MACROD2: variants seen among roughly 807,000 people sequenced by gnomAD.
The protein encoded by MACROD2 is ADP-ribose glycohydrolase MACROD2.
MACROD2 carries 36 observed loss-of-function variants against 70.4 expected under a neutral mutation model. The observed-to-expected ratio is 0.51, with a 90% CI of 0.39 to 0.68. MACROD2 has a LOEUF of 0.68. MACROD2 is among the 30% of genes least tolerant of loss of function. MACROD2 has a pLI of 0.00. For synonymous variants in MACROD2, 172 were observed against 178.8 expected (o/e 0.96, Z 0.30); for missense variants, 496 against 538.4 (o/e 0.92, Z 0.78).
At chr20:14,037,153 G>A (rs1236630713) in intron 2 of MACROD2, among the ~76,000 whole-genome samples, 1 of 152,196 alleles carries the variant, frequency 6.6e-6, no homozygotes, top group East Asian at 1.9e-4. Context: ...TTGAAAGGTA[G>A]CCTTGAGATG....
chr20:15,956,861 G>A (rs148277655), intron 12 of MACROD2, among the ~76,000 whole-genome samples: 45 of 152,212 alleles, frequency 3.0e-4, no homozygotes, highest in Middle Eastern at 6.8e-3. Context: ...ATAGGAGAGC[G>A]GTGAATGTTT....
At chr20:14,883,042 G>A (rs1456415625) in intron 5 of MACROD2, among the ~76,000 whole-genome samples, 1 of 152,142 alleles carries the variant, frequency 6.6e-6, no homozygotes, top group Non-Finnish European at 1.5e-5. Context: ...TCTTGGTCAT[G>A]AGTAATGATG....
intron 5 of MACROD2, among the ~76,000 whole-genome samples, chr20:14,921,456 G>A (rs2074162534): frequency 6.6e-6 from 1 of 152,052 alleles, no homozygotes; most frequent in Admixed American, 6.5e-5. Context: ...AGAGAGTTTT[G>A]GATACATTTG....
chr20:14,946,335 T>G lies in MACROD2; in HGVS notation c.418+261376T>G, dbSNP rs962674567. Reference sequence around the variant, plus strand: ...TTTTGTTGATCACTATCTATCTAGTTCTATCACATATCTGTATCTAAATAC... The same window carrying G: ...TTTTGTTGATCACTATCTATCTAGTGCTATCACATATCTGTATCTAAATAC... On this transcript the variant is annotated intron_variant, in intron 5 of 17. Coordinates refer to ENST00000684519, the MANE Select transcript of MACROD2 (RefSeq NM_001351661.2). 4.6e-5 allele frequency among the ~76,000 whole-genome samples: 7 copies of G among 152,362 alleles called. No homozygotes were observed. The East Asian group carries it at 1.3e-3, about 29-fold the overall frequency.
chr20:14,600,610 T>C (rs1204070644), intron 4 of MACROD2, among the ~76,000 whole-genome samples: 1 of 152,142 alleles, frequency 6.6e-6, no homozygotes, highest in Non-Finnish European at 1.5e-5. Context: ...ATTATTTTCA[T>C]TTTACAGGTG....
intron 3 of MACROD2, chr20:14,337,345 G>T: frequency 6.4e-6 from 2 of 314,442 alleles, no homozygotes; most frequent in Non-Finnish European, 1.1e-5. Context: ...TCTTTCTAGA[G>T]AGTAAAACCA....
chr20:15,488,095 C>A (rs1467386274), intron 7 of MACROD2, among the ~76,000 whole-genome samples: 1 of 152,070 alleles, frequency 6.6e-6, no homozygotes, highest in Non-Finnish European at 1.5e-5. Context: ...TCTAGGGATC[C>A]TAGGACACAG....
chr20:15,284,059 T>G (rs1484875964), intron 6 of MACROD2, among the ~76,000 whole-genome samples: 1 of 152,198 alleles, frequency 6.6e-6, no homozygotes, highest in African/African-American at 2.4e-5. Context: ...AATACAACAC[T>G]GAAAATTTAA....
At chr20:15,473,500 C>A (rs1170286256) in intron 7 of MACROD2, among the ~76,000 whole-genome samples, 1 of 152,142 alleles carries the variant, frequency 6.6e-6, no homozygotes, top group Non-Finnish European at 1.5e-5. Flanking sequence ...CAGGGAGTAA[C>A]TTTTGCCTGA....
intron 9 of MACROD2, among the ~76,000 whole-genome samples, chr20:15,867,674 T>C (rs2064512850): frequency 6.6e-6 from 1 of 152,172 alleles, no homozygotes; most frequent in East Asian, 1.9e-4. Flanking sequence ...CAATTCCCGA[T>C]CTGGAATGTG....
At chr20:15,473,837 T>C (rs1327653379) in intron 7 of MACROD2, among the ~76,000 whole-genome samples, 1 of 152,222 alleles carries the variant, frequency 6.6e-6, no homozygotes, top group Admixed American at 6.5e-5. Flanking sequence ...CAGATTTGCA[T>C]GTTTTTCAAT....
At chr20:14,806,123 G>A (rs533717711) in intron 5 of MACROD2, among the ~76,000 whole-genome samples, 4 of 152,224 alleles carry the variant, frequency 2.6e-5, no homozygotes, top group Non-Finnish European at 5.9e-5. Flanking sequence ...CATCTGGTAC[G>A]TCTTTGGATA....
chr20:15,118,678 A>G (rs2076009584), intron 5 of MACROD2, among the ~76,000 whole-genome samples: 1 of 152,156 alleles, frequency 6.6e-6, no homozygotes, highest in Non-Finnish European at 1.5e-5. Context: ...TCAGACATTC[A>G]CTGTATGAAG....
At chr20:15,512,594 T>G (rs745385474) in intron 8 of MACROD2, among the ~76,000 whole-genome samples, 1 of 152,202 alleles carries the variant, frequency 6.6e-6, no homozygotes, top group Non-Finnish European at 1.5e-5. Flanking sequence ...TGAAGCAAAT[T>G]AATTCTCCCT....
intron 3 of MACROD2, among the ~76,000 whole-genome samples, chr20:14,164,701 G>A (rs558907905): frequency 6.6e-6 from 1 of 151,996 alleles, no homozygotes; most frequent in Non-Finnish European, 1.5e-5. Flanking sequence ...AGGAGTACCC[G>A]GGTGCCAGTG....
intron 5 of MACROD2, among the ~76,000 whole-genome samples, chr20:14,889,019 A>G (rs893450546): frequency 1.3e-5 from 2 of 152,156 alleles, no homozygotes; most frequent in African/African-American, 4.8e-5. Flanking sequence ...TCACTGCTGC[A>G]TGTGTTTGCA....
chr20:14,043,591 A>G (rs2053425146), intron 2 of MACROD2, among the ~76,000 whole-genome samples: 1 of 152,234 alleles, frequency 6.6e-6, no homozygotes, highest in African/African-American at 2.4e-5. Context: ...TAATACTTAT[A>G]GACTGAGTGG....
intron 3 of MACROD2, among the ~76,000 whole-genome samples, chr20:14,126,197 C>T (rs1225337058): frequency 6.6e-6 from 1 of 152,208 alleles, no homozygotes; most frequent in East Asian, 1.9e-4. Flanking sequence ...TTAGTTTCTC[C>T]TGAGGTCTTT....
chr20:14,962,329 C>T (rs2074590618), intron 5 of MACROD2, among the ~76,000 whole-genome samples: 1 of 151,970 alleles, frequency 6.6e-6, no homozygotes, highest in African/African-American at 2.4e-5. Context: ...GAGAGAATCT[C>T]ACGCTGTCAC....
Sources: gnomAD v4.1 joint callset for allele counts (sites outside exome capture counted in the v4.1 genomes callset) on GRCh38, gnomAD v4.1.1 for gene constraint, MANE v1.5 for transcripts, NCBI Gene and HGNC (gene_info 2026-07-23, HGNC 2026-07-21) for gene names.